TENM3: variants seen among roughly 807,000 people sequenced by gnomAD.
The protein encoded by TENM3 is teneurin transmembrane protein 3.
Under a neutral mutation model 255.1 loss-of-function variants are expected in TENM3, and 63 were observed. That is an observed-to-expected ratio of 0.25 (90% confidence interval 0.20 to 0.30). The LOEUF is 0.30. Among genes scored for constraint, TENM3 ranks in the 10% least tolerant of loss-of-function variants. TENM3 has a pLI of 1.00. For missense variants in TENM3, 2,929 were observed against 3,461.1 expected (o/e 0.85, Z 3.86); for synonymous variants, 1,306 against 1,322.3 (o/e 0.99, Z 0.27).
At chr4:181,505,415 T>TGGA in the TENM3 span, among the ~76,000 whole-genome samples, 4 of 152,190 alleles carry the variant, frequency 2.6e-5, no homozygotes, top group African/African-American at 7.2e-5. Context: ...TGCACAAGGA[T>TGGA]GGAGTTTAAT....
the TENM3 span, chr4:181,820,444 T>C: frequency 1.1e-3 from 167 of 152,016 alleles, 1 homozygote; most frequent in African/African-American, 3.9e-3. Flanking sequence ...TTAGTTGCAA[T>C]GATTAGTGAT....
intron 3 of TENM3, among the ~76,000 whole-genome samples, chr4:182,568,451 G>A (rs1252778105): frequency 6.6e-6 from 1 of 152,154 alleles, no homozygotes; most frequent in Non-Finnish European, 1.5e-5. Context: ...AGGTCAAGAA[G>A]GTATGAGTAA....
rs1580677202 is a variant in TENM3 at position 182,474,144 on chromosome 4, A to G, written c.512-126780A>G. Reference sequence around the variant, plus strand: ...TGTAGGTACCAGATCAGCCAAGTCAATATAAGGGCCTGAAATGAATTCCTT... The same window carrying G: ...TGTAGGTACCAGATCAGCCAAGTCAGTATAAGGGCCTGAAATGAATTCCTT... On this transcript the variant is annotated intron_variant, in intron 3 of 27. Transcript: ENST00000511685. Among the ~76,000 whole-genome samples the G allele has an allele frequency of 2.0e-5, 3 of 152,276 alleles. No homozygotes were observed. In the South Asian group the frequency reaches 6.2e-4, roughly 32 times the overall value.
intron 1 of TENM3, among the ~76,000 whole-genome samples, chr4:182,204,018 C>A (rs903123641): frequency 1.3e-5 from 2 of 152,146 alleles, no homozygotes; most frequent in Admixed American, 6.5e-5. Context: ...AGGGTAGACA[C>A]TAATGAAGCA....
At chr4:182,522,747 G>A (rs952135140) in intron 3 of TENM3, among the ~76,000 whole-genome samples, 2 of 152,132 alleles carry the variant, frequency 1.3e-5, no homozygotes, top group Non-Finnish European at 2.9e-5. Flanking sequence ...CTTGGCTCTC[G>A]TGAATAATTC....
chr4:181,504,720 C>G, the TENM3 span, among the ~76,000 whole-genome samples: 1 of 152,164 alleles, frequency 6.6e-6, no homozygotes, highest in Admixed American at 6.5e-5. Flanking sequence ...TAAATGGCAA[C>G]GCACTTACCT....
chr4:182,680,785 A>T, intron 10 of TENM3, 48 bp downstream of exon 10: 1 of 1,369,276 alleles, frequency 7.3e-7, no homozygotes, highest in Non-Finnish European at 9.7e-7. Flanking sequence ...TTCATAAAGA[A>T]ACAGATTGTA....
the TENM3 span, among the ~76,000 whole-genome samples, chr4:181,752,788 A>G: frequency 1.3e-5 from 2 of 152,164 alleles, no homozygotes; most frequent in Non-Finnish European, 2.9e-5. Flanking sequence ...GAAATAGAAA[A>G]AAAAATAGAT....
the TENM3 span, among the ~76,000 whole-genome samples, chr4:181,828,411 G>C: frequency 5.9e-5 from 9 of 152,112 alleles, no homozygotes; most frequent in African/African-American, 2.2e-4. Context: ...GTGCTTTACT[G>C]TTTACAAAGC....
chr4:182,353,896 T>C (rs914133754), intron 3 of TENM3, among the ~76,000 whole-genome samples: 1 of 149,896 alleles, frequency 6.7e-6, no homozygotes, highest in Non-Finnish European at 1.5e-5. Context: ...ACCCAGGAGG[T>C]GGAGGTTGCA....
chr4:181,832,337 A>G, the TENM3 span, among the ~76,000 whole-genome samples: 2 of 152,198 alleles, frequency 1.3e-5, no homozygotes, highest in Non-Finnish European at 2.9e-5. Context: ...GCGTGTGTTA[A>G]TAAGATTACA....
At chr4:181,570,970 G>A in the TENM3 span, among the ~76,000 whole-genome samples, 1 of 149,054 alleles carries the variant, frequency 6.7e-6, no homozygotes, top group South Asian at 2.1e-4. Context: ...CTGACGTCCA[G>A]GCTGATGGGA....
At chr4:182,345,589 A>G (rs1452052231) in intron 2 of TENM3, among the ~76,000 whole-genome samples, 2 of 152,202 alleles carry the variant, frequency 1.3e-5, no homozygotes, top group Non-Finnish European at 2.9e-5. Context: ...TGTCAACCAG[A>G]GACAAGAAAT....
At chr4:182,177,610 ATATATT>A (rs1471258234) in intron 1 of TENM3, among the ~76,000 whole-genome samples, 1 of 128,114 alleles carries the variant, frequency 7.8e-6, no homozygotes, top group Non-Finnish European at 1.8e-5. Flanking sequence ...ACATATATAT[ATATATT>A]TTTTTTTTTT....
chr4:182,553,575 A>G (rs1265439867), intron 3 of TENM3, among the ~76,000 whole-genome samples: 3 of 152,204 alleles, frequency 2.0e-5, no homozygotes, highest in African/African-American at 7.2e-5. Context: ...CTCATTTACT[A>G]GAGATAAACT....
chr4:182,610,203 G>C (rs1748854056), intron 4 of TENM3, among the ~76,000 whole-genome samples: 1 of 152,196 alleles, frequency 6.6e-6, no homozygotes, highest in Non-Finnish European at 1.5e-5. Flanking sequence ...GAAATTCTCT[G>C]AGATAGTGGT....
the TENM3 span, among the ~76,000 whole-genome samples, chr4:181,768,926 T>C: frequency 6.6e-6 from 1 of 152,200 alleles, no homozygotes; most frequent in Non-Finnish European, 1.5e-5. Flanking sequence ...TTTTTAAATC[T>C]TGACTTAGAA....
At chr4:182,146,150 T>A (rs934638060) in intron 1 of TENM3, among the ~76,000 whole-genome samples, 2 of 152,222 alleles carry the variant, frequency 1.3e-5, no homozygotes, top group African/African-American at 4.8e-5. Context: ...AGAGCAACTG[T>A]GTAATAATAA....
chr4:181,785,694 C>T, the TENM3 span, among the ~76,000 whole-genome samples: 65 of 152,042 alleles, frequency 4.3e-4, 1 homozygote, highest in Middle Eastern at 3.4e-3. Flanking sequence ...ATTCCAAAAT[C>T]TGCCTCCCCC....
Sources: allele counts gnomAD v4.1 joint callset (sites outside exome capture counted in the v4.1 genomes callset), GRCh38; gene constraint gnomAD v4.1.1; transcripts MANE v1.5; gene names NCBI Gene and HGNC (gene_info 2026-07-23, HGNC 2026-07-21).